The following CNIH3 variants were observed in gnomAD, a reference collection of about 807,000 sequenced individuals.
CNIH3 encodes cornichon family AMPA receptor auxiliary protein 3.
A neutral mutation model predicts 24.1 loss-of-function variants in CNIH3; 14 were observed. That is an observed-to-expected ratio of 0.58 (90% confidence interval 0.38 to 0.91). The LOEUF (loss-of-function observed/expected upper bound fraction) is 0.91, where lower values mean the gene tolerates loss of function less well. CNIH3 is among the 40% of genes least tolerant of loss of function. CNIH3 has a pLI of 0.00. For synonymous variants in CNIH3, 68 were observed against 73.8 expected (o/e 0.92, Z 0.40); for missense variants, 178 against 196.8 (o/e 0.90, Z 0.57).
intron 1 of CNIH3, among the ~76,000 whole-genome samples, chr1:224,445,875 G>A (rs930192655): frequency 2.0e-5 from 3 of 152,134 alleles, no homozygotes; most frequent in African/African-American, 7.2e-5. Flanking sequence ...AAGTTTCAAC[G>A]TTTTGCCTTT....
At chr1:224,518,719 G>A (rs1348184354) in intron 1 of CNIH3, among the ~76,000 whole-genome samples, 4 of 152,164 alleles carry the variant, frequency 2.6e-5, no homozygotes, top group Admixed American at 2.0e-4. Flanking sequence ...CACATGCAGG[G>A]CGGGAGGACT....
chr1:224,735,653 A>T (rs200688898), intron 5 of CNIH3, among the ~76,000 whole-genome samples: 2 of 152,214 alleles, frequency 1.3e-5, no homozygotes, highest in East Asian at 3.9e-4. Context: ...TTTATTTTTT[A>T]TTATTTTTTA....
rs779609071 is a variant in CNIH3, at chr1:224,739,391, G to C, written c.*35G>C. On this transcript the variant is annotated 3_prime_UTR_variant, in exon 6 of 6. Coordinates refer to ENST00000272133, the MANE Select transcript of CNIH3 (RefSeq NM_152495.2). ...CATGCACATCATCAGAGACTGAGAT[G>C]GGAGAGGCCTGAGACGGAGAGGTGC... 3 of 1,603,418 alleles carry C rather than the reference G, an allele frequency of 1.9e-6. No individual in the cohort carries two copies. Among genetic ancestry groups the C allele is most frequent in the Non-Finnish European group, 2.5e-6 (3 of 1,176,872 alleles).
intron 1 of CNIH3, among the ~76,000 whole-genome samples, chr1:224,621,068 G>A (rs1322706434): frequency 6.6e-6 from 1 of 152,176 alleles, no homozygotes; most frequent in Non-Finnish European, 1.5e-5. Context: ...CAGGTCTTTA[G>A]CTTTTGAAGT....
chr1:224,593,212 G>A (rs1004271270), downstream of CNIH3, among the ~76,000 whole-genome samples: 1 of 149,726 alleles, frequency 6.7e-6, no homozygotes, highest in Non-Finnish European at 1.5e-5. Context: ...CTGGAGCGCA[G>A]TGGCATGATC....
rs1435907498 is a variant in CNIH3 at position 224,617,098 on chromosome 1, G to A, written c.-77G>A. The A allele has an allele frequency of 1.9e-6, 3 of 1,576,580 alleles. No individual in the cohort carries two copies. The highest frequency in any genetic ancestry group is 2.6e-6 in the Non-Finnish European group (3 of 1,164,538). On this transcript the variant is annotated 5_prime_UTR_variant, in exon 1 of 6. Transcript: ENST00000272133. ...AGCGTGCAGACGCGGCTCCTTGGAG[G>A]GAGTGCGGTCCTCTAGGGAGGCATC...
intron 1 of CNIH3, among the ~76,000 whole-genome samples, chr1:224,659,802 A>G (rs1685260346): frequency 6.6e-6 from 1 of 152,232 alleles, no homozygotes. Context: ...AAAAAAAGTT[A>G]AAAGAGCTAG....
chr1:224,451,071 T>C (rs1361077510), intron 1 of CNIH3, among the ~76,000 whole-genome samples: 1 of 152,218 alleles, frequency 6.6e-6, no homozygotes, highest in East Asian at 1.9e-4. Flanking sequence ...TAAAATCCTG[T>C]GTGCCTTTGT....
intron 1 of CNIH3, among the ~76,000 whole-genome samples, chr1:224,499,441 T>TA (rs1677566162): frequency 6.6e-6 from 1 of 152,218 alleles, no homozygotes; most frequent in Non-Finnish European, 1.5e-5. Context: ...GACTCATGAC[T>TA]AATCAATCGT....
intron 1 of CNIH3, among the ~76,000 whole-genome samples, chr1:224,654,062 C>G (rs1184020755): frequency 6.7e-6 from 1 of 149,852 alleles, no homozygotes; most frequent in Non-Finnish European, 1.5e-5. Flanking sequence ...GCCTGGACAA[C>G]AGAGTGAGAC....
chr1:224,735,051 CA>C (rs1689526307), intron 5 of CNIH3, among the ~76,000 whole-genome samples: 1 of 152,140 alleles, frequency 6.6e-6, no homozygotes, highest in Admixed American at 6.5e-5. Context: ...CTTTGCAGCT[CA>C]GCCCAGCAGG....
rs1295815157 is a variant in CNIH3 at position 224,703,635 on chromosome 1, T to C, written c.198+18792T>C. Among the ~76,000 whole-genome samples the C allele has an allele frequency of 1.3e-5, 2 of 152,170 alleles. No homozygotes were observed. Among genetic ancestry groups the C allele is most frequent in the African/African-American group, 2.4e-5 (1 of 41,434 alleles). On this transcript the variant is annotated intron_variant, in intron 3 of 5. Coordinates refer to ENST00000272133, the MANE Select transcript of CNIH3 (RefSeq NM_152495.2). The surrounding 1 kb of genome is among the most constrained non-coding windows in gnomAD (Gnocchi z 4.2). ...AGCATTGCTGCCTTTACCTGCCTGGTTGCCTCTTTCAAGCCTCCCTACCCA... is the reference window on the plus strand; with the variant it reads ...AGCATTGCTGCCTTTACCTGCCTGGCTGCCTCTTTCAAGCCTCCCTACCCA...
rs1175282233 is a variant in CNIH3 at position 224,457,321 on chromosome 1, G to A, written n.203+22459G>A. Among the ~76,000 whole-genome samples, 4 of 150,066 alleles carry A rather than the reference G, an allele frequency of 2.7e-5. No individual in the cohort carries two copies. The South Asian group carries it at 6.4e-4, about 24-fold the overall frequency. ...TGTGTGTGTGTGTGTGTGTGTGTCC[G>A]TGTCCTCTTCTGTTCTCCGCCCCTA... On this transcript the variant is annotated intron_variant and non_coding_transcript_variant, in intron 1 of 5. Transcript: ENST00000471578.
At chr1:224,439,182 C>T (rs1441968852) in intron 1 of CNIH3, among the ~76,000 whole-genome samples, 1 of 152,186 alleles carries the variant, frequency 6.6e-6, no homozygotes, top group Non-Finnish European at 1.5e-5. Context: ...TGCTTATTTT[C>T]CCCTTCTGCA....
chr1:224,623,354 G>A (rs1213723368), intron 1 of CNIH3, among the ~76,000 whole-genome samples: 1 of 152,134 alleles, frequency 6.6e-6, no homozygotes, highest in East Asian at 1.9e-4. Context: ...TGTCGCTCCT[G>A]TAGTGGATGC....
At chr1:224,453,509 C>G (rs1233792824) in intron 1 of CNIH3, among the ~76,000 whole-genome samples, 1 of 152,036 alleles carries the variant, frequency 6.6e-6, no homozygotes, top group Non-Finnish European at 1.5e-5. Context: ...TGAAACAAAT[C>G]TATTTGGCAC....
chr1:224,600,191 T>C (rs1682147382), intron 3 of CNIH3, among the ~76,000 whole-genome samples: 2 of 136,162 alleles, frequency 1.5e-5, no homozygotes, highest in Non-Finnish European at 3.1e-5. Context: ...CTCATCTACA[T>C]TTTTTTTTTT....
chr1:224,728,302 G>A (rs570959382), intron 3 of CNIH3, among the ~76,000 whole-genome samples: 50 of 152,316 alleles, frequency 3.3e-4, no homozygotes, highest in African/African-American at 1.1e-3. Flanking sequence ...TGAATGGGAG[G>A]GGGTAGGGTG....
intron 1 of CNIH3, among the ~76,000 whole-genome samples, chr1:224,660,618 A>G (rs921688814): frequency 9.9e-5 from 15 of 152,210 alleles, no homozygotes. Flanking sequence ...CCCAAGCTTA[A>G]CGTTGCATGT....
Sources: allele counts gnomAD v4.1 joint callset (sites outside exome capture counted in the v4.1 genomes callset), GRCh38; gene constraint gnomAD v4.1.1; non-coding constraint Gnocchi (gnomAD v3.1); transcripts MANE v1.5; gene names NCBI Gene and HGNC (gene_info 2026-07-23, HGNC 2026-07-21).